The following TNR variants were observed in gnomAD, a reference collection of about 807,000 sequenced individuals.
TNR encodes tenascin-R.
A neutral mutation model predicts 150.4 loss-of-function variants in TNR; 45 were observed. That is an observed-to-expected ratio of 0.30 (90% CI 0.24 to 0.38). The LOEUF (loss-of-function observed/expected upper bound fraction) is 0.38, where lower values mean the gene tolerates loss of function less well. Ranked by LOEUF, TNR falls within the 10% of genes least tolerant of loss-of-function variation. TNR has a pLI of 1.00. For synonymous variants in TNR, 687 were observed against 678.4 expected (o/e 1.01, Z -0.20); for missense variants, 1,544 against 1,759.1 (o/e 0.88, Z 2.19).
At chr1:175,554,339 CAAAA>C (rs5778860) in intron 1 of TNR, among the ~76,000 whole-genome samples, 69 of 115,106 alleles carry the variant, frequency 6.0e-4, no homozygotes, top group African/African-American at 1.2e-3. Flanking sequence ...TCCTACATGG[CAAAA>C]AAAAAAAAAA....
At chr1:175,378,211 A>T (rs143375841) in intron 9 of TNR, among the ~76,000 whole-genome samples, 32 of 152,204 alleles carry the variant, frequency 2.1e-4, no homozygotes, top group African/African-American at 7.0e-4. Context: ...ATAAACCTAA[A>T]CTTTTCATCG....
chr1:175,659,862 T>C (rs1571724319), intron 1 of TNR, among the ~76,000 whole-genome samples: 1 of 148,674 alleles, frequency 6.7e-6, no homozygotes, highest in East Asian at 2.0e-4. Context: ...TTAGAAAAAA[T>C]AACCTGGACT....
chr1:175,491,475 C>T (rs964780764), intron 2 of TNR, among the ~76,000 whole-genome samples: 1 of 152,026 alleles, frequency 6.6e-6, no homozygotes, highest in African/African-American at 2.4e-5. Flanking sequence ...TACCTGCTTA[C>T]AGGGAGAAAG....
intron 9 of TNR, among the ~76,000 whole-genome samples, chr1:175,376,216 T>C (rs1189880050): frequency 2.0e-5 from 3 of 152,154 alleles, no homozygotes; most frequent in Non-Finnish European, 2.9e-5. Flanking sequence ...CCACATGGAC[T>C]AAAGGAGGAC....
intron 8 of TNR, among the ~76,000 whole-genome samples, chr1:175,385,163 G>A (rs1652861611): frequency 6.6e-6 from 1 of 152,182 alleles, no homozygotes; most frequent in Non-Finnish European, 1.5e-5. Flanking sequence ...AGGCAAAGAG[G>A]ATGAGACTGA....
At chr1:175,725,887 T>C (rs951957629) in intron 1 of TNR, among the ~76,000 whole-genome samples, 10 of 152,210 alleles carry the variant, frequency 6.6e-5, no homozygotes, top group African/African-American at 2.4e-4. Flanking sequence ...GGTTGCCTCT[T>C]ACTTGAGGGC....
chr1:175,630,791 G>A (rs1024669598), intron 1 of TNR, among the ~76,000 whole-genome samples: 10 of 150,970 alleles, frequency 6.6e-5, no homozygotes, highest in African/African-American at 2.0e-4. Context: ...AAAACTACCT[G>A]AGAATCCAGC....
intron 4 of TNR, among the ~76,000 whole-genome samples, chr1:175,402,009 C>T (rs1199859460): frequency 6.6e-6 from 1 of 152,118 alleles, no homozygotes; most frequent in African/African-American, 2.4e-5. Context: ...ATCTGATTTG[C>T]ATAAAAAAGG....
intron 18 of TNR, among the ~76,000 whole-genome samples, chr1:175,346,740 T>C (rs1192777423): frequency 6.6e-6 from 1 of 151,996 alleles, no homozygotes. Flanking sequence ...AGAGCATGGA[T>C]GGATAATTAT....
chr1:175,540,650 C>T (rs1236966046), intron 1 of TNR, among the ~76,000 whole-genome samples: 1 of 151,916 alleles, frequency 6.6e-6, no homozygotes, highest in Non-Finnish European at 1.5e-5. Flanking sequence ...ACTTTTTTTC[C>T]TTTACCATCC....
intron 2 of TNR, among the ~76,000 whole-genome samples, chr1:175,453,052 T>C (rs984773308): frequency 2.6e-5 from 4 of 152,040 alleles, no homozygotes; most frequent in Non-Finnish European, 5.9e-5. Context: ...GGTACAACAA[T>C]GTGAATATAG....
chr1:175,408,034 T>C (rs540798838), intron 2 of TNR, among the ~76,000 whole-genome samples: 2 of 152,326 alleles, frequency 1.3e-5, no homozygotes, highest in East Asian at 3.9e-4. Context: ...TCTCATCTTT[T>C]CCCTCCTGCC....
Position 175,357,904 on chromosome 1 carries a change from A to G in TNR, c.2975-1442T>C, listed in dbSNP as rs78113439. Among the ~76,000 whole-genome samples the G allele has an allele frequency of 8.5e-3, 1,299 of 152,274 alleles. 6 individuals carry two copies. Among genetic ancestry groups the G allele is most frequent in the Non-Finnish European group, 0.013 (906 of 68,010 alleles). ...TGGCACATGGTAGGGCATCAAAAGTATTTGTGGAATGAATGGAAGTTCATT... is the reference window on the plus strand; with the variant it reads ...TGGCACATGGTAGGGCATCAAAAGTGTTTGTGGAATGAATGGAAGTTCATT... On this transcript the variant is annotated intron_variant, in intron 15 of 22. Transcript: ENST00000367674.
At chr1:175,369,312 T>C (rs939117886) in intron 9 of TNR, among the ~76,000 whole-genome samples, 7 of 152,114 alleles carry the variant, frequency 4.6e-5, no homozygotes, top group African/African-American at 1.7e-4. Flanking sequence ...GAAATCAAGG[T>C]GTCGCCAGGA....
chr1:175,488,758 T>C (rs1420826759), intron 2 of TNR, among the ~76,000 whole-genome samples: 1 of 152,176 alleles, frequency 6.6e-6, no homozygotes, highest in Non-Finnish European at 1.5e-5. Flanking sequence ...CCCCTGCCAC[T>C]GTGAAAAGCT....
At chr1:175,474,498 T>G (rs561488931) in intron 2 of TNR, among the ~76,000 whole-genome samples, 72 of 152,288 alleles carry the variant, frequency 4.7e-4, no homozygotes, top group African/African-American at 1.7e-3. Flanking sequence ...AAGACATTTC[T>G]GTTGTTTAAG....
chr1:175,522,436 C>A (rs115673521), intron 2 of TNR, among the ~76,000 whole-genome samples: 2,105 of 152,274 alleles, frequency 0.014, 56 homozygotes, highest in African/African-American at 0.045. Context: ...GGATGAAAGA[C>A]CACAAATTGG....
chr1:175,326,917 C>T (rs1023241898), intron 21 of TNR, among the ~76,000 whole-genome samples: 3 of 151,532 alleles, frequency 2.0e-5, no homozygotes, highest in African/African-American at 4.8e-5. Context: ...CTGCCCGCCT[C>T]GGCCTCCCAA....
chr1:175,546,994 C>G (rs1445167952), intron 1 of TNR, among the ~76,000 whole-genome samples: 1 of 152,164 alleles, frequency 6.6e-6, no homozygotes, highest in African/African-American at 2.4e-5. Flanking sequence ...TTCCTTCTTT[C>G]CTTTGCACTT....
Sources: allele counts gnomAD v4.1 joint callset (sites outside exome capture counted in the v4.1 genomes callset), GRCh38; gene constraint gnomAD v4.1.1; transcripts MANE v1.5; gene names NCBI Gene and HGNC (gene_info 2026-07-23, HGNC 2026-07-21).